CDC27: variants seen among roughly 807,000 people sequenced by gnomAD.
CDC27 encodes cell division cycle protein 27 homolog.
Under a neutral mutation model 109.7 loss-of-function variants are expected in CDC27, and 27 were observed. The ratio of observed to expected loss-of-function variants is 0.25; its 90% CI spans 0.18 to 0.34. The LOEUF (loss-of-function observed/expected upper bound fraction) is 0.34. Among genes scored for constraint, CDC27 ranks in the 10% least tolerant of loss-of-function variants. CDC27 has a pLI of 1.00. For synonymous variants in CDC27, 266 were observed against 333.9 expected (o/e 0.80, Z 2.22); for missense variants, 579 against 960.2 (o/e 0.60, Z 5.25).
intron 2 of CDC27, among the ~76,000 whole-genome samples, chr17:47,177,921 T>A (rs532859513): frequency 6.6e-6 from 1 of 152,330 alleles, no homozygotes; most frequent in South Asian, 2.1e-4. Context: ...TTAATGTATT[T>A]TTTTCCTCAT....
intron 1 of CDC27, among the ~76,000 whole-genome samples, chr17:47,183,952 T>C (rs2064335669): frequency 6.6e-6 from 1 of 152,238 alleles, no homozygotes; most frequent in South Asian, 2.1e-4. Context: ...AAAGAAACTC[T>C]GTGATAAATA....
chr17:47,143,933 G>A lies in CDC27; in HGVS notation c.1120C>T (p.Leu374=), dbSNP rs752174026. The A allele has an allele frequency of 2.0e-6, 3 of 1,498,604 alleles. No individual in the cohort carries two copies. In the Admixed American group the frequency reaches 5.8e-5, roughly 29 times the overall value. The allele number at this position is 1,498,604 out of a possible 1,614,324, so 92.8% of individuals were successfully genotyped here. ...AAGAGTCGTGAACTTCTTCGAGGCAGTGCGTTTGGGGGAGATGTAATAGTG... is the reference window on the plus strand; with the variant it reads ...AAGAGTCGTGAACTTCTTCGAGGCAATGCGTTTGGGGGAGATGTAATAGTG... ...SPTITSPPNA[L]PRRSSRLFTS... is the part of the protein sequence containing the mutation. Residue 374 remains leucine (L), a synonymous_variant, in exon 10 of 19, where the codon CTG becomes TTG. Coordinates refer to ENST00000066544, the MANE Select transcript of CDC27 (RefSeq NM_001256.6).
At chr17:47,157,436 T>C (rs1272780696) in intron 5 of CDC27, 52 bp from the exon 6 acceptor site, 1 of 1,442,120 alleles carries the variant, frequency 6.9e-7, no homozygotes, top group Non-Finnish European at 9.6e-7. Context: ...GAGGAATACA[T>C]GTTTTTCAAG....
chr17:47,182,009 T>C (rs1156541340), intron 1 of CDC27, among the ~76,000 whole-genome samples: 1 of 152,242 alleles, frequency 6.6e-6, no homozygotes, highest in African/African-American at 2.4e-5. Flanking sequence ...GCCATTTCTT[T>C]TTTAAGATAC....
intron 13 of CDC27, among the ~76,000 whole-genome samples, chr17:47,138,088 A>C (rs1234063989): frequency 6.6e-6 from 1 of 152,146 alleles, no homozygotes; most frequent in Non-Finnish European, 1.5e-5. Flanking sequence ...GGTGTGAGCC[A>C]CCACACCCAG....
chr17:47,154,011 C>T (rs572889658), intron 8 of CDC27, among the ~76,000 whole-genome samples: 100 of 151,426 alleles, frequency 6.6e-4, no homozygotes, highest in African/African-American at 2.2e-3. Context: ...ATCACTTGAG[C>T]CTGGGAGGTA....
intron 14 of CDC27, among the ~76,000 whole-genome samples, chr17:47,133,650 G>A (rs2148831216): frequency 6.6e-6 from 1 of 151,392 alleles, no homozygotes; most frequent in South Asian, 2.1e-4. Flanking sequence ...TGTTGGTCAG[G>A]CTGGTCTCGA....
At chr17:47,170,149 T>C (rs2063771506) in intron 3 of CDC27, 107 bp from the exon 4 acceptor site, 2 of 775,978 alleles carry the variant, frequency 2.6e-6, no homozygotes, top group Non-Finnish European at 3.8e-6. Flanking sequence ...CACAAATTTT[T>C]TCTCTCTCTC....
intron 1 of CDC27, among the ~76,000 whole-genome samples, chr17:47,186,536 A>G (rs1441282156): frequency 2.6e-5 from 4 of 152,198 alleles, no homozygotes; most frequent in African/African-American, 9.7e-5. Context: ...TGACTTTTAT[A>G]AATATTCAAA....
At chr17:47,121,400 A>G (rs942414660) in intron 18 of CDC27, among the ~76,000 whole-genome samples, 1 of 152,158 alleles carries the variant, frequency 6.6e-6, no homozygotes, top group Non-Finnish European at 1.5e-5. Context: ...AACACAGACT[A>G]TAACCTTCAG....
intron 9 of CDC27, among the ~76,000 whole-genome samples, chr17:47,147,431 A>AC (rs71138590): frequency 0.21 from 30,096 of 143,870 alleles, 3,268 homozygotes; most frequent in Non-Finnish European, 0.25. Context: ...AAACAAACAA[A>AC]AAAAAAAACA....
At chr17:47,174,948 G>A (rs893715452) in intron 2 of CDC27, among the ~76,000 whole-genome samples, 10 of 149,268 alleles carry the variant, frequency 6.7e-5, no homozygotes, top group East Asian at 5.9e-4. Flanking sequence ...AGCGAAACTC[G>A]GTCGAAACAG....
intron 2 of CDC27, among the ~76,000 whole-genome samples, chr17:47,173,707 T>C (rs1446764622): frequency 6.6e-6 from 1 of 152,246 alleles, no homozygotes; most frequent in Non-Finnish European, 1.5e-5. Context: ...GTAATTTTAG[T>C]GTAATACTGC....
chr17:47,185,094 C>T (rs2064380325), intron 1 of CDC27, among the ~76,000 whole-genome samples: 1 of 152,174 alleles, frequency 6.6e-6, no homozygotes, highest in Non-Finnish European at 1.5e-5. Context: ...TCCTTACCAG[C>T]TAGCTATTCT....
chr17:47,172,428 G>A (rs1404040155), intron 2 of CDC27, among the ~76,000 whole-genome samples: 2 of 151,912 alleles, frequency 1.3e-5, no homozygotes, highest in Non-Finnish European at 2.9e-5. Flanking sequence ...CTTTCGGGAG[G>A]ATAGAAGTCA....
chr17:47,153,631 T>A (rs957301095), intron 8 of CDC27, among the ~76,000 whole-genome samples: 14 of 152,242 alleles, frequency 9.2e-5, no homozygotes. Flanking sequence ...ATGACTTGTT[T>A]AGCTTCCATT....
intron 2 of CDC27, among the ~76,000 whole-genome samples, chr17:47,172,759 G>T (rs2063849529): frequency 6.6e-6 from 1 of 152,076 alleles, no homozygotes; most frequent in Admixed American, 6.6e-5. Flanking sequence ...CCCTTATTTA[G>T]TCTATGTCTC....
chr17:47,127,411 T>G (rs558302893), intron 16 of CDC27, among the ~76,000 whole-genome samples: 6 of 149,504 alleles, frequency 4.0e-5, no homozygotes, highest in South Asian at 4.2e-4. Context: ...TATTTTTACG[T>G]TTTTTTTTGA....
At chr17:47,144,084 A>G (rs2062880200) in intron 9 of CDC27, 102 bp from the exon 10 acceptor site, 1 of 362,254 alleles carries the variant, frequency 2.8e-6, no homozygotes, top group Non-Finnish European at 4.8e-6. Context: ...CATTAATTAT[A>G]TAAGTACTCT....
Sources: allele counts gnomAD v4.1 joint callset (sites outside exome capture counted in the v4.1 genomes callset), GRCh38; gene constraint gnomAD v4.1.1; transcripts MANE v1.5; gene names NCBI Gene and HGNC (gene_info 2026-07-23, HGNC 2026-07-21).